PLXNA2: variants seen among roughly 807,000 people sequenced by gnomAD.
PLXNA2 encodes plexin-A2.
Under a neutral mutation model 193.5 loss-of-function variants are expected in PLXNA2, and 91 were observed. The ratio of observed to expected loss-of-function variants is 0.47; its 90% CI spans 0.40 to 0.56. The LOEUF is 0.56. PLXNA2 is among the 20% of genes least tolerant of loss of function. The pLI is 0.00. For synonymous variants in PLXNA2, 997 were observed against 1,027.3 expected, an observed-to-expected ratio of 0.97 and a Z score of 0.56; for missense variants, 1,995 against 2,503.2, an observed-to-expected ratio of 0.80 and a Z score of 4.33.
intron 3 of PLXNA2, among the ~76,000 whole-genome samples, chr1:208,192,627 C>A (rs1670218495): frequency 6.6e-6 from 1 of 152,102 alleles, no homozygotes; most frequent in South Asian, 2.1e-4. Context: ...TGGCTCATGC[C>A]TGTAATCCCA....
chr1:208,147,545 A>T (rs1321344929), intron 3 of PLXNA2, among the ~76,000 whole-genome samples: 1 of 152,266 alleles, frequency 6.6e-6, no homozygotes, highest in Admixed American at 6.5e-5. Context: ...TAGCTACCAC[A>T]GTGCTACGTG....
At chr1:208,058,301 C>T (rs556164374) in intron 13 of PLXNA2, among the ~76,000 whole-genome samples, 1 of 152,324 alleles carries the variant, frequency 6.6e-6, no homozygotes, top group East Asian at 1.9e-4. Flanking sequence ...CTGAATCATC[C>T]AGCCCTCCAC....
chr1:208,133,135 T>G (rs17187133), intron 4 of PLXNA2, among the ~76,000 whole-genome samples: 13,003 of 152,214 alleles, frequency 0.085, 608 homozygotes, highest in South Asian at 0.13. Flanking sequence ...AGCTCTGGAT[T>G]CTTGTGTTAG....
At chr1:208,210,248 G>A (rs1467477779) in intron 3 of PLXNA2, 32 bp downstream of exon 3, 2 of 1,607,400 alleles carry the variant, frequency 1.2e-6, no homozygotes, top group Non-Finnish European at 1.7e-6. Context: ...GAGGTGAATG[G>A]CATTGGAGCA....
At chr1:208,168,407 T>G (rs1669377455) in intron 3 of PLXNA2, among the ~76,000 whole-genome samples, 1 of 152,228 alleles carries the variant, frequency 6.6e-6, no homozygotes, top group Admixed American at 6.5e-5. Context: ...TGTTCACTGA[T>G]GTATTCCTAA....
At chr1:208,046,904 A>T (rs1295221542) in intron 17 of PLXNA2, among the ~76,000 whole-genome samples, 1 of 151,478 alleles carries the variant, frequency 6.6e-6, no homozygotes, top group Non-Finnish European at 1.5e-5. Context: ...GTAGGTGTTC[A>T]GTTAATGTTG....
Position 208,172,155 on chromosome 1 carries a change from CG to C in PLXNA2, c.1372-29693del, listed in dbSNP as rs539794161. Among the ~76,000 whole-genome samples the C allele has an allele frequency of 3.1e-3, 476 of 151,766 alleles. 4 individuals carry two copies. The highest frequency in any genetic ancestry group is 3.9e-3 in the Non-Finnish European group (262 of 67,928). ...AAAACCACAAAGACTTTTGCACCAA[CG>C]TAACAGCAGCCTGAAGAGTGGCTCC... On this transcript the variant is annotated intron_variant, in intron 3 of 31. Transcript: ENST00000367033.
rs767936962 is a variant in PLXNA2 at position 208,043,078 on chromosome 1, C to T, written c.4000G>A (p.Val1334Ile). 1.1e-5 allele frequency: 18 copies of T among 1,613,782 alleles called. No individual in the cohort carries two copies. In the East Asian group the frequency reaches 1.3e-4, roughly 12 times the overall value. The change falls in exon 21 of 32, where the codon GTC becomes ATC. Residue 1334 changes from valine (V) to isoleucine (I), a missense_variant. Coordinates refer to ENST00000367033, the MANE Select transcript of PLXNA2 (RefSeq NM_025179.4). ...GGCATTACCTCCAGCTCCCGCAGGA[C>T]GGGGTGGTCCTCGATGCCCGGGAAC... Reference protein sequence around the residue: ...VLFPGIEDHPVLRELEVQGNG... With the variant: ...VLFPGIEDHPILRELEVQGNG...
At chr1:208,201,966 G>A (rs1670564846) in intron 3 of PLXNA2, among the ~76,000 whole-genome samples, 1 of 135,910 alleles carries the variant, frequency 7.4e-6, no homozygotes, top group South Asian at 2.6e-4. Flanking sequence ...TTTCCATCAG[G>A]GCAAGAATTT....
chr1:208,052,658 C>T (rs866127391), intron 14 of PLXNA2, among the ~76,000 whole-genome samples, 195 bp from the exon 15 acceptor site: 48 of 152,192 alleles, frequency 3.2e-4, no homozygotes, highest in Admixed American at 4.6e-4. Flanking sequence ...TGGGCATGTC[C>T]GGGAAGGCAG....
At position 208,041,727 on chromosome 1, in the gene PLXNA2, G is replaced by A. The variant is rs550259977; in HGVS notation, c.4286+371C>T. ...CGGACAGCACAGCTCTAGAGGCACC[G>A]GGAGGAAGAGACTGTGAGATAGGAA... is the stretch of plus-strand genomic sequence containing the variant. On this transcript the variant is annotated intron_variant, in intron 22 of 31. Transcript: ENST00000367033. Among the ~76,000 whole-genome samples the A allele has an allele frequency of 9.8e-5, 15 of 152,340 alleles. No individual in the cohort carries two copies. The South Asian group carries it at 1.7e-3, about 17-fold the overall frequency.
In PLXNA2 at chr1:208,038,462, C is replaced by A. The variant is rs768762267; in HGVS notation, c.4673G>T (p.Gly1558Val). The change falls in exon 26 of 32, where the codon GGC becomes GTC. Residue 1558 changes from glycine (G) to valine (V), a missense_variant. This residue lies in a region of PLXNA2 where 1,291 missense variants were observed against 1,673.6 expected (regional missense o/e 0.77). Coordinates refer to ENST00000367033, the MANE Select transcript of PLXNA2 (RefSeq NM_025179.4). The surrounding 1 kb of genome is among the most constrained non-coding windows in gnomAD (Gnocchi z 4.1). ...TTGCAGCACGACCCGGGCGATCCGG[C>A]CTTGGCGCCACTCTGGGTGGAGGGG... Reference protein sequence around the residue: ...AVDMDLEWRQGRIARVVLQDE... With the variant: ...AVDMDLEWRQVRIARVVLQDE... 2.5e-6 allele frequency: 4 copies of A among 1,614,040 alleles called. No individual in the cohort carries two copies. In the African/African-American group the frequency reaches 5.3e-5, roughly 22 times the overall value.
At chr1:208,103,289 G>T in intron 4 of PLXNA2, 42 bp from the exon 5 acceptor site, 2 of 1,473,292 alleles carry the variant, frequency 1.4e-6, no homozygotes, top group Non-Finnish European at 9.4e-7. Flanking sequence ...GTTAGGCTGT[G>T]ACGACTAGCA....
At chr1:208,157,716 T>C (rs995829701) in intron 3 of PLXNA2, among the ~76,000 whole-genome samples, 1 of 152,150 alleles carries the variant, frequency 6.6e-6, no homozygotes, top group Non-Finnish European at 1.5e-5. Flanking sequence ...GTTCTGGGTA[T>C]TTGAGAACAG....
At position 208,082,981 on chromosome 1, in the gene PLXNA2, A is replaced by G. The variant is rs1246666126; in HGVS notation, c.2299-473T>C. 6.6e-6 allele frequency among the ~76,000 whole-genome samples: 1 copy of G among 152,132 alleles called. No individual in the cohort carries two copies. The highest frequency in any genetic ancestry group is 1.5e-5 in the Non-Finnish European group (1 of 68,034). ...TTTCTGTCTTGCACTGGCACTTTCC[A>G]GGATCTGCTGTGCCTCTTTTCACGT... On this transcript the variant is annotated intron_variant, in intron 10 of 31. Transcript: ENST00000367033. This position sits in a 1 kb window ranked among gnomAD's most constrained non-coding sequence, Gnocchi z 4.2.
intron 29 of PLXNA2, chr1:208,030,508 C>A (rs919801004): frequency 2.0e-6 from 2 of 985,410 alleles, no homozygotes; most frequent in Non-Finnish European, 2.4e-6. Flanking sequence ...GGGCTCTTAA[C>A]CCCAGGGCCA....
chr1:208,239,665 C>T (rs1671983303), intron 1 of PLXNA2, among the ~76,000 whole-genome samples: 1 of 152,222 alleles, frequency 6.6e-6, no homozygotes, highest in Non-Finnish European at 1.5e-5. Context: ...GGTTATAGAG[C>T]TGTCTATAAC....
At chr1:208,124,322 C>T (rs1359612633) in intron 4 of PLXNA2, among the ~76,000 whole-genome samples, 1 of 152,048 alleles carries the variant, frequency 6.6e-6, no homozygotes, top group Non-Finnish European at 1.5e-5. Context: ...TCCCATGACC[C>T]GAGTTTACCT....
Position 208,150,043 on chromosome 1 carries a change from C to T in PLXNA2, c.1372-7580G>A, listed in dbSNP as rs1037230556. ...AAATGCTTGGCTAATTGGACGGGGA[C>T]GCAGGAGCCTGGAAAACTTGGCCCG... On this transcript the variant is annotated intron_variant, in intron 3 of 31. Transcript: ENST00000367033. 4.6e-5 allele frequency among the ~76,000 whole-genome samples: 7 copies of T among 152,096 alleles called. No individual in the cohort carries two copies. The East Asian group carries it at 7.7e-4, about 17-fold the overall frequency.
Sources: gnomAD v4.1 joint callset for allele counts (sites outside exome capture counted in the v4.1 genomes callset) on GRCh38, gnomAD v4.1.1 for gene constraint, gnomAD v4.1.1 regional missense constraint, Gnocchi (gnomAD v3.1) non-coding constraint, MANE v1.5 for transcripts, NCBI Gene and HGNC (gene_info 2026-07-23, HGNC 2026-07-21) for gene names.